COBL: variants seen among roughly 807,000 people sequenced by gnomAD.
COBL encodes cordon-bleu WH2 repeat protein.
Under a neutral mutation model 98.8 loss-of-function variants are expected in COBL, and 51 were observed. That is an observed-to-expected ratio of 0.52 (90% CI 0.41 to 0.65). The LOEUF is 0.65. Among genes scored for constraint, COBL ranks in the 30% least tolerant of loss-of-function variants. The probability of loss-of-function intolerance (pLI) is 0.00; values close to 1 mark genes in which losing one functional copy is unlikely to be tolerated. For missense variants in COBL, 1,617 were observed against 1,617.5 expected, an observed-to-expected ratio of 1.00 and a Z score of 0.01; for synonymous variants, 634 against 651.7, an observed-to-expected ratio of 0.97 and a Z score of 0.41.
chr7:51,270,901 T>G (rs138790708), intron 1 of COBL, among the ~76,000 whole-genome samples: 1 of 152,192 alleles, frequency 6.6e-6, no homozygotes, highest in African/African-American at 2.4e-5. Context: ...TCCTGGTACA[T>G]AGTACTGACA....
intron 6 of COBL, among the ~76,000 whole-genome samples, chr7:51,097,202 G>A (rs1004826654): frequency 6.6e-6 from 1 of 152,086 alleles, no homozygotes; most frequent in Non-Finnish European, 1.5e-5. Flanking sequence ...ATCAATCAAT[G>A]TAATATGCCA....
At position 51,242,409 on chromosome 7, in the gene COBL, C is replaced by T. The variant is rs148073262; in HGVS notation, c.42-22465G>A. ...CTCTGCTTTCATTGCTTCATTCTTT[C>T]CTTGCTTTGTTTGTGCATTTTGTCC... On this transcript the variant is annotated intron_variant, in intron 1 of 12. Coordinates refer to ENST00000265136, the MANE Select transcript of COBL (RefSeq NM_015198.5). Among the ~76,000 whole-genome samples the T allele has an allele frequency of 5.5e-3, 836 of 152,290 alleles. 9 individuals are homozygous for T. Among genetic ancestry groups the T allele is most frequent in the African/African-American group, 0.019 (788 of 41,566 alleles).
chr7:51,019,348 C>T (rs1004147045), intron 12 of COBL, among the ~76,000 whole-genome samples: 1 of 151,974 alleles, frequency 6.6e-6, no homozygotes, highest in Non-Finnish European at 1.5e-5. Context: ...ACTCATGGAA[C>T]TTGTGATGTG....
Position 51,184,218 on chromosome 7 carries a change from A to T in COBL, c.686-19T>A. ...AAGGTTTCTGGAAAAAAAAAGCACTAAGTTATTTTTCAGCATCTGAAACAA... is the reference window on the plus strand; with the variant it reads ...AAGGTTTCTGGAAAAAAAAAGCACTTAGTTATTTTTCAGCATCTGAAACAA... On this transcript the variant is annotated intron_variant, in intron 4 of 12. Transcript: ENST00000265136. 7.1e-7 allele frequency: 1 copy of T among 1,406,800 alleles called. No individual in the cohort carries two copies. The highest frequency in any genetic ancestry group is 1.4e-5 in the African/African-American group (1 of 69,156). The allele number at this position is 1,406,800 out of a possible 1,614,324, so 87.1% of individuals were successfully genotyped here. A position where few individuals can be genotyped will look rare whatever the true frequency, so the allele number is the denominator to read the frequency against.
intron 7 of COBL, chr7:51,072,635 T>C (rs185647796): frequency 6.6e-6 from 1 of 152,366 alleles, no homozygotes. Flanking sequence ...GTAAGTACTA[T>C]GTCACTGTTT....
chr7:51,026,805 C>T (rs967460965), intron 10 of COBL, 140 bp from the exon 11 acceptor site: 30 of 1,102,514 alleles, frequency 2.7e-5, no homozygotes, highest in Admixed American at 4.5e-5. Flanking sequence ...GGCTGTGGCA[C>T]CAGAATTGTT....
chr7:51,234,715 A>G (rs1462429094), intron 1 of COBL, among the ~76,000 whole-genome samples: 1 of 151,590 alleles, frequency 6.6e-6, no homozygotes, highest in Non-Finnish European at 1.5e-5. Flanking sequence ...AAAAAAAAAA[A>G]AAAAGAAAGA....
intron 8 of COBL, among the ~76,000 whole-genome samples, chr7:51,039,261 A>T (rs1257436164): frequency 6.6e-6 from 1 of 152,216 alleles, no homozygotes; most frequent in African/African-American, 2.4e-5. Context: ...GCTGCTGTTT[A>T]GTGTTCTAAT....
intron 1 of COBL, among the ~76,000 whole-genome samples, chr7:51,222,443 C>G (rs1412524907): frequency 2.0e-5 from 3 of 152,054 alleles, no homozygotes; most frequent in Non-Finnish European, 2.9e-5. Context: ...TACTGATATT[C>G]CTATTTTATA....
At chr7:51,051,971 G>A (rs1447516445) in intron 7 of COBL, among the ~76,000 whole-genome samples, 1 of 152,166 alleles carries the variant, frequency 6.6e-6, no homozygotes, top group Non-Finnish European at 1.5e-5. Flanking sequence ...CCACTGTCAT[G>A]GGCTTTAAGA....
chr7:51,265,576 C>G (rs750543661), intron 1 of COBL, among the ~76,000 whole-genome samples: 1 of 152,216 alleles, frequency 6.6e-6, no homozygotes. Flanking sequence ...AAAAGGAGAG[C>G]ATGCCCCTCA....
intron 12 of COBL, among the ~76,000 whole-genome samples, chr7:51,023,900 C>G (rs1213362616): frequency 6.6e-6 from 1 of 152,176 alleles, no homozygotes; most frequent in African/African-American, 2.4e-5. Context: ...CCAAGCCAAG[C>G]GACTCACTCC....
At chr7:51,108,374 G>C (rs1796510691) in intron 6 of COBL, among the ~76,000 whole-genome samples, 1 of 152,160 alleles carries the variant, frequency 6.6e-6, no homozygotes, top group African/African-American at 2.4e-5. Flanking sequence ...TTATGTGCTG[G>C]ACTGTGGAAA....
chr7:51,036,958 T>C (rs1274091605), intron 8 of COBL, among the ~76,000 whole-genome samples: 2 of 152,180 alleles, frequency 1.3e-5, no homozygotes, highest in Non-Finnish European at 2.9e-5. Context: ...ATAGCAAGGT[T>C]GCTTTCAGAA....
intron 2 of COBL, among the ~76,000 whole-genome samples, chr7:51,205,720 T>A (rs775527150): frequency 2.0e-5 from 3 of 151,138 alleles, no homozygotes; most frequent in East Asian, 1.9e-4. Context: ...TAGGACTGCA[T>A]CAAGCTAAAA....
chr7:51,108,862 T>C (rs1349749179), intron 6 of COBL, among the ~76,000 whole-genome samples: 4 of 151,578 alleles, frequency 2.6e-5, no homozygotes, highest in African/African-American at 9.7e-5. Context: ...CAAAGACACC[T>C]GCCTACTTCT....
intron 1 of COBL, chr7:51,316,307 C>T (rs1476678955): frequency 2.2e-5 from 6 of 276,364 alleles, no homozygotes; most frequent in African/African-American, 1.3e-4. Flanking sequence ...TGGCGGGGAC[C>T]CCCATAAGGA....
In COBL at chr7:51,027,995, C is replaced by T. The variant is rs2128870770; in HGVS notation, c.3101G>A (p.Arg1034Lys). The change falls in exon 10 of 13, where the codon AGG becomes AAG. Residue 1034 changes from arginine to lysine, a missense_variant. Coordinates refer to ENST00000265136, the MANE Select transcript of COBL (RefSeq NM_015198.5). ...GCGCACAGAGCCATTGACCAGCTCC[C>T]TGCTGCAGGCCTGAGTGTCAGATGT... ...PHTSDTQACS[R>K]ELVNGSVRAP... The T allele has an allele frequency of 1.2e-6, 2 of 1,603,352 alleles. No homozygotes were observed. The highest frequency in any genetic ancestry group is 1.7e-6 in the Non-Finnish European group (2 of 1,174,192).
chr7:51,168,605 A>C (rs1787561281), intron 5 of COBL, among the ~76,000 whole-genome samples: 2 of 152,242 alleles, frequency 1.3e-5, no homozygotes, highest in Admixed American at 1.3e-4. Context: ...TATATCCAAA[A>C]GACAGGCAAA....
Sources: allele counts gnomAD v4.1 joint callset (sites outside exome capture counted in the v4.1 genomes callset), GRCh38; gene constraint gnomAD v4.1.1; transcripts MANE v1.5; gene names NCBI Gene and HGNC (gene_info 2026-07-23, HGNC 2026-07-21).